Variants in MAML2 observed in about 807,000 individuals in gnomAD.
MAML2 encodes the protein mastermind like transcriptional coactivator 2, also known as mastermind-like protein 2.
A neutral mutation model predicts 96.1 loss-of-function variants in MAML2; 22 were observed. The ratio of observed to expected loss-of-function variants is 0.23; its 90% CI spans 0.16 to 0.33. MAML2 has a LOEUF of 0.33. MAML2 is among the 10% of genes least tolerant of loss of function. MAML2 has a pLI of 1.00. For missense variants in MAML2, 1,367 were observed against 1,392.4 expected, an observed-to-expected ratio of 0.98 and a Z score of 0.29; for synonymous variants, 561 against 521.3, an observed-to-expected ratio of 1.08 and a Z score of -1.04.
chr11:96,085,034 C>T (rs1386787539), intron 2 of MAML2, among the ~76,000 whole-genome samples: 1 of 152,142 alleles, frequency 6.6e-6, no homozygotes, highest in Non-Finnish European at 1.5e-5. Flanking sequence ...CATTGGCTTC[C>T]CTCTATTATG....
chr11:95,994,989 A>C (rs1857970183), intron 2 of MAML2, among the ~76,000 whole-genome samples: 2 of 152,356 alleles, frequency 1.3e-5, no homozygotes, highest in South Asian at 4.1e-4. Flanking sequence ...TAAAAGGGAA[A>C]TAATAACAGT....
intron 1 of MAML2, among the ~76,000 whole-genome samples, chr11:96,215,723 G>C (rs1246272586): frequency 6.6e-6 from 1 of 151,320 alleles, no homozygotes; most frequent in Non-Finnish European, 1.5e-5. Context: ...GCTGGGCAGA[G>C]CCCAGCTGCA....
At chr11:96,019,487 G>T in intron 2 of MAML2, among the ~76,000 whole-genome samples, 1 of 151,866 alleles carries the variant, frequency 6.6e-6, no homozygotes, top group Non-Finnish European at 1.5e-5. Context: ...TCACAGACAA[G>T]TTTTTGAATA....
chr11:95,994,027 C>T (rs1359132167), intron 2 of MAML2, among the ~76,000 whole-genome samples: 1 of 152,174 alleles, frequency 6.6e-6, no homozygotes, highest in African/African-American at 2.4e-5. Context: ...TGTCTGACCC[C>T]ACAACTCTAG....
chr11:96,016,368 C>T (rs1173360371), intron 2 of MAML2, among the ~76,000 whole-genome samples: 1 of 152,138 alleles, frequency 6.6e-6, no homozygotes, highest in Non-Finnish European at 1.5e-5. Flanking sequence ...ATCAAAGAGT[C>T]ATTCTGCCCA....
At chr11:96,081,547 C>T (rs996538179) in intron 2 of MAML2, among the ~76,000 whole-genome samples, 1 of 152,030 alleles carries the variant, frequency 6.6e-6, no homozygotes, top group Non-Finnish European at 1.5e-5. Flanking sequence ...CACATTCTTC[C>T]TTTTGACCTT....
chr11:96,332,618 C>T lies in MAML2; in HGVS notation c.513+8765G>A, dbSNP rs117404959. Among the ~76,000 whole-genome samples, 246 of 152,236 alleles carry T rather than the reference C, an allele frequency of 1.6e-3. 1 individual carries two copies. The highest frequency in any genetic ancestry group is 3.0e-3 in the Non-Finnish European group (203 of 68,010). On this transcript the variant is annotated intron_variant, in intron 1 of 4. Transcript: ENST00000524717. Reference sequence around the variant, plus strand: ...TGCACTTTGCACTTTAACACTTCTGCGAAACAACCAAATGGGATAATACAC... The same window carrying T: ...TGCACTTTGCACTTTAACACTTCTGTGAAACAACCAAATGGGATAATACAC...
chr11:96,003,597 C>G (rs1274234538), intron 2 of MAML2, among the ~76,000 whole-genome samples: 1 of 152,014 alleles, frequency 6.6e-6, no homozygotes, highest in African/African-American at 2.4e-5. Context: ...ATCAGGCAGA[C>G]CTGGGTTCAA....
intron 1 of MAML2, among the ~76,000 whole-genome samples, chr11:96,094,061 C>A (rs1248514240): frequency 6.6e-6 from 1 of 151,892 alleles, no homozygotes; most frequent in Non-Finnish European, 1.5e-5. Context: ...AGTTCTCAGG[C>A]CTAAGGAGAT....
intron 1 of MAML2, among the ~76,000 whole-genome samples, chr11:96,211,838 A>C (rs952248735): frequency 6.6e-6 from 1 of 152,170 alleles, no homozygotes; most frequent in Non-Finnish European, 1.5e-5. Context: ...ACAAAGATAA[A>C]ATTCAGTTTT....
chr11:96,329,808 A>G (rs765736847), intron 1 of MAML2, among the ~76,000 whole-genome samples: 4 of 152,204 alleles, frequency 2.6e-5, no homozygotes, highest in South Asian at 2.1e-4. Context: ...GATGGAAAAA[A>G]TGAGGCTGTT....
At chr11:96,201,945 A>G (rs1591069694) in intron 1 of MAML2, among the ~76,000 whole-genome samples, 1 of 151,464 alleles carries the variant, frequency 6.6e-6, no homozygotes, top group East Asian at 2.0e-4. Context: ...TAATGGAAGT[A>G]TAGTACCATG....
intron 1 of MAML2, among the ~76,000 whole-genome samples, chr11:96,277,811 T>A (rs547320712): frequency 6.6e-6 from 1 of 151,260 alleles, no homozygotes; most frequent in East Asian, 1.9e-4. Context: ...AAGAATTAAA[T>A]CCTGAAGTAC....
chr11:95,988,615 T>A (rs899050412), intron 3 of MAML2, among the ~76,000 whole-genome samples: 2 of 148,902 alleles, frequency 1.3e-5, no homozygotes, highest in Non-Finnish European at 3.0e-5. Flanking sequence ...TATATATATA[T>A]CCAGAAATTT....
chr11:96,211,791 T>C (rs11826238), intron 1 of MAML2, among the ~76,000 whole-genome samples: 8,966 of 152,216 alleles, frequency 0.059, 862 homozygotes, highest in African/African-American at 0.2. Flanking sequence ...CTTTAAGCAC[T>C]AGTTGAGGAT....
chr11:96,255,927 G>A (rs941376694), intron 1 of MAML2, among the ~76,000 whole-genome samples: 1 of 130,858 alleles, frequency 7.6e-6, no homozygotes, highest in African/African-American at 2.8e-5. Flanking sequence ...AGGCTGAAGT[G>A]CAATGGCGCG....
intron 1 of MAML2, among the ~76,000 whole-genome samples, chr11:96,096,041 A>G (rs1406539372): frequency 6.6e-6 from 1 of 152,212 alleles, no homozygotes; most frequent in Non-Finnish European, 1.5e-5. Flanking sequence ...CAGACCAGAG[A>G]GAGTCAGCCA....
At chr11:95,989,447 G>C (rs1255097459) in intron 3 of MAML2, among the ~76,000 whole-genome samples, 2 of 152,190 alleles carry the variant, frequency 1.3e-5, no homozygotes, top group Non-Finnish European at 2.9e-5. Flanking sequence ...CCAGTGCCAG[G>C]CCAGGACCCT....
At chr11:96,233,597 AG>A (rs1365420645) in intron 1 of MAML2, among the ~76,000 whole-genome samples, 3 of 152,076 alleles carry the variant, frequency 2.0e-5, no homozygotes, top group Non-Finnish European at 4.4e-5. Context: ...TTGTAGAGAC[AG>A]GGGTCTTGCT....
Sources: allele counts gnomAD v4.1 joint callset (sites outside exome capture counted in the v4.1 genomes callset), GRCh38; gene constraint gnomAD v4.1.1; transcripts MANE v1.5; gene names NCBI Gene and HGNC (gene_info 2026-07-23, HGNC 2026-07-21).